MYO1B: variants seen among roughly 807,000 people sequenced by gnomAD.
MYO1B encodes the protein unconventional myosin-Ib.
MYO1B carries 72 observed loss-of-function variants against 159.7 expected under a neutral mutation model. That is an observed-to-expected ratio of 0.45 (90% CI 0.37 to 0.55). The LOEUF is 0.55. Ranked by LOEUF, MYO1B falls within the 20% of genes least tolerant of loss-of-function variation. MYO1B has a pLI of 0.00. For missense variants in MYO1B, 1,062 were observed against 1,364.8 expected, an observed-to-expected ratio of 0.78 and a Z score of 3.50; for synonymous variants, 468 against 473.8, an observed-to-expected ratio of 0.99 and a Z score of 0.16.
chr2:191,365,293 T>A (rs1193616656), intron 11 of MYO1B, among the ~76,000 whole-genome samples: 2 of 152,196 alleles, frequency 1.3e-5, no homozygotes, highest in Non-Finnish European at 2.9e-5. Flanking sequence ...CTCATCCTCA[T>A]AACTATCCAT....
chr2:191,400,938 C>T, intron 23 of MYO1B, 103 bp downstream of exon 23: 3 of 1,078,130 alleles, frequency 2.8e-6, no homozygotes, highest in Non-Finnish European at 4.1e-6. Flanking sequence ...AATAGTGGCT[C>T]ACACTGGTGC....
intron 20 of MYO1B, among the ~76,000 whole-genome samples, chr2:191,395,067 A>G (rs1695987199): frequency 6.6e-6 from 1 of 152,210 alleles, no homozygotes; most frequent in African/African-American, 2.4e-5. Flanking sequence ...CTTTTAAGTT[A>G]TTCCGTATTT....
intron 2 of MYO1B, among the ~76,000 whole-genome samples, chr2:191,289,297 C>T (rs1052752433): frequency 2.1e-4 from 32 of 152,316 alleles, no homozygotes; most frequent in Admixed American, 9.2e-4. Context: ...GCCTAACAGA[C>T]GGCATGGATT....
intron 3 of MYO1B, among the ~76,000 whole-genome samples, chr2:191,307,726 C>T (rs1460089742): frequency 2.0e-5 from 3 of 152,188 alleles, no homozygotes; most frequent in Non-Finnish European, 4.4e-5. Flanking sequence ...TCTGCTTAGT[C>T]AACCCCACAC....
At chr2:191,413,954 C>G in intron 27 of MYO1B, 94 bp from the exon 28 acceptor site, 1 of 1,252,992 alleles carries the variant, frequency 8.0e-7, no homozygotes, top group Admixed American at 2.4e-5. Flanking sequence ...ATGAAGTTGT[C>G]AGCTACTCCT....
intron 13 of MYO1B, among the ~76,000 whole-genome samples, chr2:191,373,755 C>G (rs1694524784): frequency 3.3e-5 from 5 of 152,172 alleles, no homozygotes. Context: ...CAAATCCAAT[C>G]AGTTATATGT....
chr2:191,245,928 G>A (rs1203831428), intron 1 of MYO1B: 1 of 152,298 alleles, frequency 6.6e-6, no homozygotes, highest in Non-Finnish European at 1.5e-5. Flanking sequence ...CCTGTGGGCA[G>A]AGTCGAATCT....
intron 2 of MYO1B, among the ~76,000 whole-genome samples, chr2:191,286,095 TCCC>T (rs1653728342): frequency 6.6e-6 from 1 of 152,142 alleles, no homozygotes. Flanking sequence ...CCAGTTCTAT[TCCC>T]CTGTAAAATT....
At chr2:191,381,410 G>T in intron 13 of MYO1B, 52 bp from the exon 14 acceptor site, 2 of 1,254,008 alleles carry the variant, frequency 1.6e-6, no homozygotes, top group South Asian at 2.4e-5. Flanking sequence ...TCATTGTTTT[G>T]AGAGAGCTAG....
intron 4 of MYO1B, among the ~76,000 whole-genome samples, chr2:191,333,943 C>G (rs1463707123): frequency 1.3e-5 from 2 of 152,180 alleles, no homozygotes; most frequent in African/African-American, 4.8e-5. Flanking sequence ...TGTACTGATG[C>G]TGTATCTACG....
intron 30 of MYO1B, among the ~76,000 whole-genome samples, chr2:191,418,440 G>A (rs1697711940): frequency 7.0e-6 from 1 of 142,598 alleles, no homozygotes; most frequent in African/African-American, 2.6e-5. Context: ...GTGGATGTCA[G>A]TTTATGGAAA....
chr2:191,408,250 C>A, intron 25 of MYO1B, 61 bp downstream of exon 25: 1 of 1,202,674 alleles, frequency 8.3e-7, no homozygotes, highest in Non-Finnish European at 1.2e-6. Flanking sequence ...CCTAATATCA[C>A]CAACTCCATA....
rs372216451 is a variant in MYO1B, at chr2:191,362,415, G to A, written c.765+44G>A. 10 of 1,430,848 alleles carry A rather than the reference G, an allele frequency of 7.0e-6. No individual in the cohort carries two copies. In the African/African-American group the frequency reaches 1.3e-4, roughly 18 times the overall value. 88.6% of individuals were successfully genotyped at this position (1,430,848 alleles called of 1,614,324 possible). ...ATCAAGCTTTAAATTGCATACCACTGCATTGCTCAGCGGGAGCTGGTAGCA... is the reference window on the plus strand; with the variant it reads ...ATCAAGCTTTAAATTGCATACCACTACATTGCTCAGCGGGAGCTGGTAGCA... On this transcript the variant is annotated intron_variant, in intron 9 of 30. Coordinates refer to ENST00000392318, the MANE Select transcript of MYO1B (RefSeq NM_001130158.3).
In MYO1B at chr2:191,277,019, A is replaced by G. The variant is rs778319497; in HGVS notation, c.124A>G (p.Ser42Gly). Residue 42 changes from serine to glycine, a missense_variant, in exon 2 of 31, where the codon AGT becomes GGT. Physicochemically the swap from Ser to Gly is moderately conservative, Grantham distance 56 (BLOSUM62 0). Around this residue, in one of 5 missense-constraint regions of MYO1B, gnomAD observed 415 missense variants for 544.0 expected, o/e 0.76. Coordinates refer to ENST00000392318, the MANE Select transcript of MYO1B (RefSeq NM_001130158.3). ...INNLKKRFDH[S>G]EIYTYIGSVV... is the part of the protein sequence containing the mutation. ...CAACCTCAAGAAGCGCTTTGACCAC[A>G]GTGAAATATACGTAAGTACACACGA... 8.7e-6 allele frequency: 14 copies of G among 1,613,490 alleles called. No individual in the cohort carries two copies. The East Asian group carries it at 8.9e-5, about 10-fold the overall frequency.
At chr2:191,385,793 A>G in intron 15 of MYO1B, 91 bp from the exon 16 acceptor site, 2 of 1,318,302 alleles carry the variant, frequency 1.5e-6, no homozygotes, top group Non-Finnish European at 2.1e-6. Context: ...TCTTGTGACT[A>G]AGTTGATTGT....
chr2:191,354,614 C>G (rs1367070574), intron 7 of MYO1B, among the ~76,000 whole-genome samples: 1 of 152,064 alleles, frequency 6.6e-6, no homozygotes, highest in Non-Finnish European at 1.5e-5. Context: ...CACTGCCTGA[C>G]AACCCCCCGC....
chr2:191,283,012 C>T (rs954255102), intron 2 of MYO1B, among the ~76,000 whole-genome samples: 2 of 152,148 alleles, frequency 1.3e-5, no homozygotes, highest in African/African-American at 2.4e-5. Context: ...GCTTTAGAAG[C>T]CTAGATAAAG....
intron 2 of MYO1B, among the ~76,000 whole-genome samples, chr2:191,287,105 A>G (rs1688418943): frequency 1.3e-5 from 2 of 152,214 alleles, no homozygotes; most frequent in Non-Finnish European, 1.5e-5. Context: ...CTAAATTTAT[A>G]TAATTATAAT....
At position 191,342,635 on chromosome 2, in the gene MYO1B, C is replaced by A. The variant is rs542710439; in HGVS notation, c.451+1070C>A. Among the ~76,000 whole-genome samples, 4 of 152,222 alleles carry A rather than the reference C, an allele frequency of 2.6e-5. No individual in the cohort carries two copies. The South Asian group carries it at 8.3e-4, about 32-fold the overall frequency. ...GCCAAGGCGGGTGGATCACTTGAGG[C>A]CAGGAGTTCGAGACCAGCCTTGCCA... On this transcript the variant is annotated intron_variant, in intron 5 of 30. Transcript: ENST00000392318.
Sources: gnomAD v4.1 joint callset for allele counts (sites outside exome capture counted in the v4.1 genomes callset) on GRCh38, gnomAD v4.1.1 for gene constraint, gnomAD v4.1.1 regional missense constraint, MANE v1.5 for transcripts, NCBI Gene and HGNC (gene_info 2026-07-23, HGNC 2026-07-21) for gene names.